SSC5D: variants seen among roughly 807,000 people sequenced by gnomAD.
SSC5D encodes soluble scavenger receptor cysteine-rich domain-containing protein SSC5D.
SSC5D carries 106 observed loss-of-function variants against 104.6 expected under a neutral mutation model. The observed-to-expected ratio is 1.01, with a 90% confidence interval of 0.87 to 1.19. The LOEUF is 1.19. SSC5D is among the 50% of genes most tolerant of loss of function. The pLI, the probability that SSC5D is intolerant of heterozygous loss-of-function variation, is 0.00. For synonymous variants in SSC5D, 860 were observed against 883.5 expected, an observed-to-expected ratio of 0.97 and a Z score of 0.47; for missense variants, 1,993 against 2,153.8, an observed-to-expected ratio of 0.93 and a Z score of 1.48.
Position 55,517,528 on chromosome 19 carries a change from G to A in SSC5D, c.3252G>A (p.Pro1084=), listed in dbSNP as rs1237324223. 32 of 1,551,098 alleles carry A rather than the reference G, an allele frequency of 2.1e-5. No homozygotes were observed. The highest frequency in any genetic ancestry group is 5.5e-5 in the African/African-American group (4 of 72,804). ...PDSSVVPALT[P]EPSPTPLPTL... ...CCAGTGTGGTTCCCGCGTTGACCCC[G>A]GAGCCCTCACCCACGCCCTTACCCA... The change falls in exon 14 of 14, where the codon CCG becomes CCA. Residue 1084 remains proline (P), a synonymous_variant. Transcript: ENST00000389623.
rs1307138805 is a variant in SSC5D at position 55,489,476 on chromosome 19, C to T, written c.175C>T (p.Arg59Trp). 2.0e-5 allele frequency: 30 copies of T among 1,474,110 alleles called. No individual in the cohort carries two copies. Among genetic ancestry groups the T allele is most frequent in the South Asian group, 6.8e-5 (5 of 73,048 alleles). 91.3% of individuals were successfully genotyped at this position (1,474,110 alleles called of 1,614,324 possible). Residue 59 changes from arginine (R) to tryptophan (W), a missense_variant, in exon 3 of 14, where the codon CGG becomes TGG. Arg to Trp is a moderately radical substitution (Grantham distance 101, BLOSUM62 -3). Transcript: ENST00000389623. ...WDLRDAAVAC[R>W]QLGCGGALAA... ...CCTGCGCGATGCCGCCGTGGCCTGC[C>T]GGCAGCTGGGCTGCGGAGGGGCACT...
chr19:55,502,226 T>C (rs1987523917), intron 12 of SSC5D, among the ~76,000 whole-genome samples: 1 of 152,134 alleles, frequency 6.6e-6, no homozygotes, highest in Non-Finnish European at 1.5e-5. Context: ...TCATTTTCCA[T>C]GATCAAATTC....
At chr19:55,496,744 A>G (rs896516825) in intron 8 of SSC5D, among the ~76,000 whole-genome samples, 2 of 146,176 alleles carry the variant, frequency 1.4e-5, no homozygotes, top group Non-Finnish European at 3.0e-5. Flanking sequence ...TACCATTTTT[A>G]CCAGTCTTTT....
rs191358999 is a variant in SSC5D, at chr19:55,494,891, A to G, written c.1387+108A>G. The G allele has an allele frequency of 3.9e-6, 5 of 1,292,290 alleles. No individual in the cohort carries two copies. The Admixed American group carries it at 1.2e-4, about 30-fold the overall frequency. 80.1% of individuals were successfully genotyped at this position (1,292,290 alleles called of 1,614,324 possible). On this transcript the variant is annotated intron_variant, in intron 8 of 13. Transcript: ENST00000389623. Reference sequence around the variant, plus strand: ...CCTCTTGCAAAGAGAAAGGTGGAGAAGAGGAGCACAGGGGCCTCGCCCAGG... The same window carrying G: ...CCTCTTGCAAAGAGAAAGGTGGAGAGGAGGAGCACAGGGGCCTCGCCCAGG...
chr19:55,502,507 T>G (rs983368295), intron 12 of SSC5D, among the ~76,000 whole-genome samples: 5 of 152,202 alleles, frequency 3.3e-5, no homozygotes, highest in Admixed American at 6.6e-5. Flanking sequence ...CTTCTGTCTT[T>G]TTGTTTCATT....
rs1410396069 is a variant in SSC5D at position 55,500,842 on chromosome 19, G to C, written c.2617+38G>C. ...GGCGGCGGTGGTGGGGTTGTCGGGGGTGGCCAGGAGAATGGAGTCAGGGTG... is the reference window on the plus strand; with the variant it reads ...GGCGGCGGTGGTGGGGTTGTCGGGGCTGGCCAGGAGAATGGAGTCAGGGTG... On this transcript the variant is annotated intron_variant, in intron 11 of 13. Transcript: ENST00000389623. This position sits in a 1 kb window ranked among gnomAD's most constrained non-coding sequence, Gnocchi z 4.6. 14 of 1,529,202 alleles carry C rather than the reference G, an allele frequency of 9.2e-6. No homozygotes were observed. Among genetic ancestry groups the C allele is most frequent in the Non-Finnish European group, 1.1e-5 (13 of 1,134,162 alleles). 94.7% of individuals were successfully genotyped at this position (1,529,202 alleles called of 1,614,324 possible).
chr19:55,493,560 T>C, intron 6 of SSC5D, 35 bp from the exon 7 acceptor site: 1 of 1,403,452 alleles, frequency 7.1e-7, no homozygotes, highest in African/African-American at 1.5e-5. Context: ...TCCACCCTCG[T>C]TTCCTGGCCC....
chr19:55,491,008 C>G lies in SSC5D; in HGVS notation c.823C>G (p.Arg275Gly). Residue 275 changes from arginine to glycine, a missense_variant, in exon 6 of 14, where the codon CGA (arginine) becomes GGA (glycine). Around this residue, in one of 6 missense-constraint regions of SSC5D, gnomAD observed 1,101 missense variants for 1,085.0 expected, o/e 1.01. Coordinates refer to ENST00000389623, the MANE Select transcript of SSC5D (RefSeq NM_001144950.2). ...GTGTGGAGGAGGAGAACAGGCCCTC[C>G]GAGACTGCCCCCGAAGCCCCTGGGG... ...VGCGGGEQAL[R>G]DCPRSPWGRS... 6.5e-7 allele frequency: 1 copy of G among 1,550,020 alleles called. No individual in the cohort carries two copies. The highest frequency in any genetic ancestry group is 8.7e-7 in the Non-Finnish European group (1 of 1,146,638).
At chr19:55,498,250 C>T (rs992351058) in intron 9 of SSC5D, 53 bp downstream of exon 9, 1 of 1,525,580 alleles carries the variant, frequency 6.6e-7, no homozygotes, top group Non-Finnish European at 8.9e-7. Context: ...TGGAGGGGAA[C>T]AGTAACTAAC....
At position 55,500,186 on chromosome 19, in the gene SSC5D, G is replaced by C; in HGVS notation, c.2076G>C (p.Trp692Cys). 1 of 1,551,000 alleles carries C rather than the reference G, an allele frequency of 6.4e-7. No homozygotes were observed. The highest frequency in any genetic ancestry group is 8.7e-7 in the Non-Finnish European group (1 of 1,146,772). The change falls in exon 10 of 14, where the codon TGG (tryptophan) becomes TGC (cysteine). Residue 692 changes from tryptophan (W) to cysteine (C), a missense_variant. By Grantham distance (215) the Trp-to-Cys change is radical. Coordinates refer to ENST00000389623, the MANE Select transcript of SSC5D (RefSeq NM_001144950.2). This position sits in a 1 kb window ranked among gnomAD's most constrained non-coding sequence, Gnocchi z 4.6. ...CGACCACGGAGGCCCCCCAGAGATG[G>C]ACCTCTCACACCACTGCCACGCTGA... Reference protein sequence around the residue: ...RRPTTEAPQRWTSHTTATLTP... With the variant: ...RRPTTEAPQRCTSHTTATLTP...
intron 12 of SSC5D, among the ~76,000 whole-genome samples, chr19:55,506,373 A>ATTT (rs869296361): frequency 9.7e-5 from 7 of 72,064 alleles, no homozygotes; most frequent in African/African-American, 3.9e-4. Flanking sequence ...TGGAATTTGG[A>ATTT]TTTTTTTTTT....
chr19:55,496,509 G>A (rs985557157), intron 8 of SSC5D, among the ~76,000 whole-genome samples: 8 of 152,120 alleles, frequency 5.3e-5, no homozygotes, highest in African/African-American at 9.7e-5. Flanking sequence ...AACACTGAAC[G>A]AGCATGCACT....
Position 55,490,917 on chromosome 19 carries a change from G to C in SSC5D, c.732G>C (p.Ala244=). 1 of 1,543,808 alleles carries C rather than the reference G, an allele frequency of 6.5e-7. No homozygotes were observed. Among genetic ancestry groups the C allele is most frequent in the Non-Finnish European group, 8.7e-7 (1 of 1,143,320 alleles). The change falls in exon 6 of 14, where the codon GCG becomes GCC. Residue 244 remains alanine, a synonymous_variant. Coordinates refer to ENST00000389623, the MANE Select transcript of SSC5D (RefSeq NM_001144950.2). ...VACRELGCGG[A]LAAPGGARFG... ...GCCGGGAACTGGGCTGTGGGGGGGC[G>C]CTGGCTGCCCCCGGCGGTGCCAGAT...
chr19:55,495,240 T>A (rs1204202247), intron 8 of SSC5D, among the ~76,000 whole-genome samples: 2,588 of 74,170 alleles, frequency 0.035, 192 homozygotes, highest in African/African-American at 0.069. Flanking sequence ...TATATTTTTT[T>A]TTTTTTTTTT....
rs552202755 is a variant in SSC5D, at chr19:55,490,790, C to T, written c.605C>T (p.Ser202Phe). The T allele has an allele frequency of 1.2e-5, 19 of 1,541,436 alleles. No individual in the cohort carries two copies. In the African/African-American group the frequency reaches 2.3e-4, roughly 19 times the overall value. The change falls in exon 6 of 14, where the codon TCT becomes TTT. Residue 202 changes from serine to phenylalanine, a missense_variant. By Grantham distance (155) the Ser-to-Phe change is radical. This residue lies in a region of SSC5D where 1,101 missense variants were observed against 1,085.0 expected (regional missense o/e 1.01). Coordinates refer to ENST00000389623, the MANE Select transcript of SSC5D (RefSeq NM_001144950.2). ...APRQERLRLV[S>F]GPHRCAGRLE... ...CCCACAGAGCGGCTGCGCCTGGTCT[C>T]TGGCCCCCACAGGTGCGCCGGACGC... is the stretch of plus-strand genomic sequence containing the variant.
chr19:55,498,385 A>C (rs1003911174), intron 9 of SSC5D, among the ~76,000 whole-genome samples, 188 bp downstream of exon 9: 3 of 152,184 alleles, frequency 2.0e-5, no homozygotes, highest in African/African-American at 7.2e-5. Context: ...CATTTTACTG[A>C]TAAAGAAGCT....
Position 55,500,949 on chromosome 19 carries a change from A to C in SSC5D, c.2618-85A>C. The C allele has an allele frequency of 6.5e-7, 1 of 1,534,240 alleles. No homozygotes were observed. The highest frequency in any genetic ancestry group is 8.8e-7 in the Non-Finnish European group (1 of 1,135,328). ...TGGGGAGATCCCAGAGTTGCTCCAG[A>C]AGATTCCAAAAGGGGAGGGAAGAGC... On this transcript the variant is annotated intron_variant, in intron 11 of 13. Coordinates refer to ENST00000389623, the MANE Select transcript of SSC5D (RefSeq NM_001144950.2). The surrounding 1 kb of genome is among the most constrained non-coding windows in gnomAD (Gnocchi z 4.6).
intron 7 of SSC5D, 75 bp downstream of exon 7, chr19:55,493,987 C>CGGAG: frequency 4.8e-6 from 1 of 206,422 alleles, no homozygotes; most frequent in South Asian, 1.1e-4. Context: ...TCGGCGGGGG[C>CGGAG]GGGGGGGTCC....
intron 12 of SSC5D, among the ~76,000 whole-genome samples, chr19:55,507,084 G>A (rs748639502): frequency 1.3e-5 from 2 of 150,788 alleles, no homozygotes; most frequent in Admixed American, 6.6e-5. Context: ...CAGGAGAATC[G>A]CTTGAACCTG....
Sources: gnomAD v4.1 joint callset for allele counts (sites outside exome capture counted in the v4.1 genomes callset) on GRCh38, gnomAD v4.1.1 for gene constraint, gnomAD v4.1.1 regional missense constraint, Gnocchi (gnomAD v3.1) non-coding constraint, MANE v1.5 for transcripts, NCBI Gene and HGNC (gene_info 2026-07-23, HGNC 2026-07-21) for gene names.